Variants in RIMBP2 observed in about 807,000 individuals in gnomAD.
RIMBP2 encodes RIMS-binding protein 2.
In RIMBP2, 48 loss-of-function variants were observed where a neutral mutation model predicts 118.6. The ratio of observed to expected loss-of-function variants is 0.40; its 90% CI spans 0.32 to 0.51. The LOEUF is 0.51. RIMBP2 is among the 20% of genes least tolerant of loss of function. The probability of loss-of-function intolerance (pLI) is 0.41; values close to 1 mark genes in which losing one functional copy is unlikely to be tolerated. For synonymous variants in RIMBP2, 762 were observed against 742.9 expected (o/e 1.03, Z -0.42); for missense variants, 1,551 against 1,768.3 (o/e 0.88, Z 2.20).
intron 1 of RIMBP2, chr12:130,668,625 C>G (rs2136426788): frequency 6.6e-6 from 1 of 152,440 alleles, no homozygotes; most frequent in Middle Eastern, 3.4e-3. Context: ...TCAGCAGCAG[C>G]TCTCATTAAC....
At chr12:130,433,353 CGT>C (rs1442451350) in intron 14 of RIMBP2, among the ~76,000 whole-genome samples, 1 of 152,156 alleles carries the variant, frequency 6.6e-6, no homozygotes, top group Non-Finnish European at 1.5e-5. Flanking sequence ...ACTGCATGTG[CGT>C]GTGACTCCTC....
In RIMBP2 at chr12:130,692,850, ATAGGGTAGGGTAGGGTAGGG is replaced by A. The variant is rs762175825; in HGVS notation, c.-352+23352_-352+23371del. Among the ~76,000 whole-genome samples the A allele has an allele frequency of 5.8e-3, 471 of 80,946 alleles. 2 individuals are homozygous for A. Among genetic ancestry groups the A allele is most frequent in the African/African-American group, 0.022 (447 of 20,570 alleles). The allele number at this position is 80,946 out of a possible 152,430, so 53.1% of individuals were successfully genotyped here. On this transcript the variant is annotated intron_variant, in intron 1 of 22. Transcript: ENST00000690449. ...ATGGGATGGGATGGGATGGGATGGG[ATAGGGTAGGGTAGGGTAGGG>A]TAGGGTAGGGTAGGGTAGGGTAGGA...
intron 6 of RIMBP2, among the ~76,000 whole-genome samples, chr12:130,457,254 A>G (rs185035004): frequency 3.3e-5 from 5 of 152,288 alleles, no homozygotes; most frequent in Non-Finnish European, 1.5e-5. Flanking sequence ...ACTTGGAGCA[A>G]TAAGGACTCT....
chr12:130,427,431 T>A (rs1358034633), intron 15 of RIMBP2: 2 of 151,932 alleles, frequency 1.3e-5, no homozygotes, highest in African/African-American at 2.4e-5. Context: ...AATGCGGGAG[T>A]CGGACGCACT....
chr12:130,411,619 T>C (rs1458977118), intron 19 of RIMBP2, among the ~76,000 whole-genome samples: 1 of 152,222 alleles, frequency 6.6e-6, no homozygotes, highest in East Asian at 1.9e-4. Context: ...GTATACTTTC[T>C]GGGTCTGTGG....
At chr12:130,545,846 A>G (rs2055087881) in intron 2 of RIMBP2, among the ~76,000 whole-genome samples, 1 of 152,208 alleles carries the variant, frequency 6.6e-6, no homozygotes, top group Non-Finnish European at 1.5e-5. Context: ...AAATGTTTAA[A>G]ATATATTCTG....
intron 1 of RIMBP2, among the ~76,000 whole-genome samples, chr12:130,649,608 C>T (rs1450785671): frequency 1.3e-5 from 2 of 152,166 alleles, no homozygotes; most frequent in Non-Finnish European, 2.9e-5. Flanking sequence ...GGAGAGACAG[C>T]GCGGGCCACA....
chr12:130,526,099 TG>T (rs1423804522), intron 2 of RIMBP2, among the ~76,000 whole-genome samples: 2 of 151,642 alleles, frequency 1.3e-5, no homozygotes, highest in Admixed American at 6.6e-5. Context: ...TTGGCAGGGG[TG>T]GGGGGTTCTG....
intron 2 of RIMBP2, among the ~76,000 whole-genome samples, chr12:130,577,489 C>A (rs1307652110): frequency 1.2e-4 from 19 of 152,092 alleles, no homozygotes. Flanking sequence ...TACAAGGCAG[C>A]AGGAGAGAGC....
chr12:130,699,273 G>A (rs948443644), intron 1 of RIMBP2, among the ~76,000 whole-genome samples: 9 of 152,224 alleles, frequency 5.9e-5, no homozygotes, highest in African/African-American at 1.7e-4. Flanking sequence ...AAAGACACAT[G>A]CACACGTATG....
At chr12:130,452,327 A>G (rs10848103) in intron 7 of RIMBP2, among the ~76,000 whole-genome samples, 68,012 of 152,086 alleles carry the variant, frequency 0.45, 15,452 homozygotes, top group Non-Finnish European at 0.46. Context: ...AGCCGCCCCT[A>G]GCAGGCCCCA....
chr12:130,568,168 T>C (rs1038087661), intron 2 of RIMBP2, among the ~76,000 whole-genome samples: 1 of 152,200 alleles, frequency 6.6e-6, no homozygotes, highest in African/African-American at 2.4e-5. Flanking sequence ...TGTAAATTTA[T>C]AGAAGAAGGC....
intron 2 of RIMBP2, among the ~76,000 whole-genome samples, chr12:130,595,177 TACTCACACC>T (rs2059479631): frequency 6.6e-6 from 1 of 152,226 alleles, no homozygotes; most frequent in Non-Finnish European, 1.5e-5. Flanking sequence ...CTGGAGCCTG[TACTCACACC>T]CATGAGATTG....
chr12:130,682,617 C>T (rs1033872478), intron 1 of RIMBP2, among the ~76,000 whole-genome samples: 2 of 152,226 alleles, frequency 1.3e-5, no homozygotes, highest in African/African-American at 4.8e-5. Flanking sequence ...CTTGATCTTC[C>T]AAAAAATTCA....
At chr12:130,612,826 C>A (rs909782311) in intron 2 of RIMBP2, among the ~76,000 whole-genome samples, 3 of 152,126 alleles carry the variant, frequency 2.0e-5, no homozygotes, top group African/African-American at 7.2e-5. Flanking sequence ...AGGTACACAG[C>A]CTGCAGGGCT....
At chr12:130,540,341 G>A (rs2054493934) in intron 2 of RIMBP2, among the ~76,000 whole-genome samples, 1 of 152,170 alleles carries the variant, frequency 6.6e-6, no homozygotes, top group Non-Finnish European at 1.5e-5. Context: ...GGTGAATTAA[G>A]GAATCGCACA....
chr12:130,592,037 C>T (rs1219034997), intron 2 of RIMBP2, among the ~76,000 whole-genome samples: 1 of 152,196 alleles, frequency 6.6e-6, no homozygotes, highest in Non-Finnish European at 1.5e-5. Context: ...CAGGAGAGCT[C>T]AAAGCTGGGT....
chr12:130,408,939 C>G (rs761599264), intron 19 of RIMBP2, among the ~76,000 whole-genome samples: 2 of 152,190 alleles, frequency 1.3e-5, no homozygotes, highest in African/African-American at 4.8e-5. Context: ...TGGTTAGGAG[C>G]CACTGCTGTA....
At chr12:130,481,995 ACATTGCAGGG>A (rs1269835845) in intron 4 of RIMBP2, among the ~76,000 whole-genome samples, 17 of 150,112 alleles carry the variant, frequency 1.1e-4, no homozygotes, top group African/African-American at 4.2e-4. Context: ...CCAGCTGCAT[ACATTGCAGGG>A]CATTTTTAGG....
Sources: allele counts gnomAD v4.1 joint callset (sites outside exome capture counted in the v4.1 genomes callset), GRCh38; gene constraint gnomAD v4.1.1; transcripts MANE v1.5; gene names NCBI Gene and HGNC (gene_info 2026-07-23, HGNC 2026-07-21).